Variants in IQCM observed in about 807,000 individuals in gnomAD.
The protein encoded by IQCM is IQ domain-containing protein M.
A neutral mutation model predicts 57.6 loss-of-function variants in IQCM; 45 were observed. That is an observed-to-expected ratio of 0.78 (90% CI 0.62 to 1.00). IQCM has a LOEUF of 1.00. IQCM is among the 50% of genes least tolerant of loss of function. The probability of loss-of-function intolerance (pLI) is 0.00; values close to 1 mark genes in which losing one functional copy is unlikely to be tolerated. For synonymous variants in IQCM, 148 were observed against 158.9 expected (o/e 0.93, Z 0.51); for missense variants, 468 against 511.6 (o/e 0.91, Z 0.82).
intron 5 of IQCM, among the ~76,000 whole-genome samples, chr4:149,716,264 A>C (rs1267100858): frequency 6.6e-6 from 1 of 152,188 alleles, no homozygotes; most frequent in Non-Finnish European, 1.5e-5. Flanking sequence ...AGTTTGGAGG[A>C]GGCCAAGACG....
chr4:149,659,027 T>G (rs918979389), intron 7 of IQCM, among the ~76,000 whole-genome samples: 8 of 151,702 alleles, frequency 5.3e-5, no homozygotes, highest in Non-Finnish European at 8.8e-5. Flanking sequence ...AAGAAGTGGT[T>G]AAAAAAAAGG....
intron 9 of IQCM, among the ~76,000 whole-genome samples, chr4:149,568,647 C>T (rs1229648873): frequency 6.6e-6 from 1 of 151,932 alleles, no homozygotes; most frequent in African/African-American, 2.4e-5. Flanking sequence ...AAAAATTAGC[C>T]AGGCATGGTG....
At chr4:149,791,806 G>A (rs995365163) in intron 2 of IQCM, among the ~76,000 whole-genome samples, 54 of 152,046 alleles carry the variant, frequency 3.6e-4, no homozygotes, top group African/African-American at 1.2e-3. Context: ...TCAGAATCCC[G>A]TATGATCAAT....
chr4:149,596,455 G>C (rs1024159829), intron 8 of IQCM, among the ~76,000 whole-genome samples: 2 of 152,082 alleles, frequency 1.3e-5, no homozygotes, highest in African/African-American at 4.8e-5. Flanking sequence ...TAGAGTCTAG[G>C]TTTTAATGAC....
chr4:149,653,080 A>C (rs1192402437), intron 7 of IQCM, among the ~76,000 whole-genome samples: 1 of 152,186 alleles, frequency 6.6e-6, no homozygotes, highest in Non-Finnish European at 1.5e-5. Context: ...GATTTTTTTT[A>C]TCCTAGCCTA....
At chr4:149,685,807 C>T (rs1762506625) in intron 6 of IQCM, among the ~76,000 whole-genome samples, 1 of 151,476 alleles carries the variant, frequency 6.6e-6, no homozygotes, top group Admixed American at 6.6e-5. Context: ...TCAGCACCAA[C>T]TATTGTGTAT....
At chr4:149,461,651 C>A (rs1738300002) in intron 12 of IQCM, among the ~76,000 whole-genome samples, 1 of 135,788 alleles carries the variant, frequency 7.4e-6, no homozygotes, top group Admixed American at 7.5e-5. Flanking sequence ...AAGACCCAGT[C>A]TCCAAAAAAA....
chr4:149,598,170 G>T (rs1579640210), intron 8 of IQCM, among the ~76,000 whole-genome samples: 1 of 152,208 alleles, frequency 6.6e-6, no homozygotes, highest in South Asian at 2.1e-4. Flanking sequence ...TATCCAAGAG[G>T]TCTGTGATGC....
chr4:149,489,917 CA>C (rs979956390), intron 12 of IQCM, among the ~76,000 whole-genome samples: 1 of 151,834 alleles, frequency 6.6e-6, no homozygotes, highest in Non-Finnish European at 1.5e-5. Context: ...ACAAGCTATA[CA>C]TAAAAATGAT....
At chr4:149,604,350 G>A (rs756399593) in intron 8 of IQCM, among the ~76,000 whole-genome samples, 19 of 152,116 alleles carry the variant, frequency 1.2e-4, no homozygotes, top group Non-Finnish European at 2.5e-4. Context: ...CACTGCTGCT[G>A]CATGTGTTAT....
chr4:149,813,342 T>C (rs1774765581), intron 2 of IQCM, among the ~76,000 whole-genome samples: 1 of 145,342 alleles, frequency 6.9e-6, no homozygotes, highest in South Asian at 2.2e-4. Flanking sequence ...TAATGCATCT[T>C]TTTTTTAAAA....
intron 9 of IQCM, among the ~76,000 whole-genome samples, chr4:149,571,513 G>A (rs900479322): frequency 3.4e-4 from 52 of 151,978 alleles, no homozygotes; most frequent in Non-Finnish European, 5.9e-5. Context: ...GGAGATGTTG[G>A]CCAAAGGATA....
chr4:149,580,612 G>T (rs1752090800), intron 9 of IQCM, among the ~76,000 whole-genome samples: 2 of 151,920 alleles, frequency 1.3e-5, no homozygotes, highest in African/African-American at 4.8e-5. Flanking sequence ...TGTAAACAAG[G>T]TAGGGAACTA....
At chr4:149,803,864 G>A (rs1035549506) in intron 2 of IQCM, among the ~76,000 whole-genome samples, 1 of 151,848 alleles carries the variant, frequency 6.6e-6, no homozygotes, top group Non-Finnish European at 1.5e-5. Flanking sequence ...TTGTATAAGG[G>A]CCCTATTGAT....
chr4:149,434,688 A>G (rs574046291), intron 12 of IQCM, among the ~76,000 whole-genome samples: 6 of 152,132 alleles, frequency 3.9e-5, no homozygotes, highest in African/African-American at 9.6e-5. Flanking sequence ...CCTGCTTGTG[A>G]GGCTAGAACA....
chr4:149,713,181 C>T lies in IQCM; in HGVS notation c.385+20063G>A, dbSNP rs191871568. On this transcript the variant is annotated intron_variant, in intron 5 of 13. Transcript: ENST00000636793. Reference sequence around the variant, plus strand: ...TCCAATCACCACTTTCTCCTTTCTTCGGGTTATTCCCTATCACCAACAACG... The same window carrying T: ...TCCAATCACCACTTTCTCCTTTCTTTGGGTTATTCCCTATCACCAACAACG... Among the ~76,000 whole-genome samples, 48 of 152,232 alleles carry T rather than the reference C, an allele frequency of 3.2e-4. 1 individual carries two copies. Among genetic ancestry groups the T allele is most frequent in the Middle Eastern group, 3.4e-3 (1 of 294 alleles).
chr4:149,627,488 T>C (rs540688859), intron 7 of IQCM, among the ~76,000 whole-genome samples: 1 of 152,318 alleles, frequency 6.6e-6, no homozygotes, highest in South Asian at 2.1e-4. Context: ...TATTGAAGGC[T>C]CAAATTACTA....
chr4:149,615,052 ATCC>A (rs1208056056), intron 8 of IQCM, among the ~76,000 whole-genome samples: 2 of 152,254 alleles, frequency 1.3e-5, no homozygotes, highest in East Asian at 3.9e-4. Flanking sequence ...ATTTGTTTCT[ATCC>A]TCCTATTTTA....
At chr4:149,365,879 T>C (rs542309735) in intron 13 of IQCM, among the ~76,000 whole-genome samples, 3 of 152,144 alleles carry the variant, frequency 2.0e-5, no homozygotes, top group East Asian at 3.9e-4. Flanking sequence ...GTAAACACAC[T>C]GTGGAATTTA....
Sources: gnomAD v4.1 joint callset for allele counts (sites outside exome capture counted in the v4.1 genomes callset) on GRCh38, gnomAD v4.1.1 for gene constraint, MANE v1.5 for transcripts, NCBI Gene and HGNC (gene_info 2026-07-23, HGNC 2026-07-21) for gene names.